Variants in TNIP3 observed in about 807,000 individuals in gnomAD.
The protein encoded by TNIP3 is TNFAIP3-interacting protein 3.
Under a neutral mutation model 54.1 loss-of-function variants are expected in TNIP3, and 34 were observed. That is an observed-to-expected ratio of 0.63 (90% CI 0.48 to 0.84). The LOEUF (loss-of-function observed/expected upper bound fraction) is 0.84, where lower values mean the gene tolerates loss of function less well. TNIP3 is among the 40% of genes least tolerant of loss of function. The pLI is 0.00. For synonymous variants in TNIP3, 134 were observed against 136.8 expected, an observed-to-expected ratio of 0.98 and a Z score of 0.14; for missense variants, 366 against 387.6, an observed-to-expected ratio of 0.94 and a Z score of 0.47.
At chr4:121,150,294 C>T (rs1271735494) in intron 5 of TNIP3, 75 bp from the exon 6 acceptor site, 3 of 879,024 alleles carry the variant, frequency 3.4e-6, no homozygotes, top group African/African-American at 1.7e-5. Flanking sequence ...TTGTTACAAT[C>T]ATCTCAAATG....
chr4:121,206,256 C>T (rs1726183845), intron 2 of TNIP3, among the ~76,000 whole-genome samples: 1 of 152,140 alleles, frequency 6.6e-6, no homozygotes. Flanking sequence ...CTCAAGTAGA[C>T]ATGTTGATTA....
intron 2 of TNIP3, chr4:121,182,804 G>A: frequency 6.5e-7 from 1 of 1,533,936 alleles, no homozygotes; most frequent in South Asian, 1.2e-5. Flanking sequence ...CATCTGCCCA[G>A]AAAGACATGG....
Position 121,188,220 on chromosome 4 carries a change from A to G in TNIP3, c.69-5424T>C, listed in dbSNP as rs1163338021. 3.9e-5 allele frequency among the ~76,000 whole-genome samples: 6 copies of G among 152,232 alleles called. No individual in the cohort carries two copies. In the South Asian group the frequency reaches 8.3e-4, roughly 21 times the overall value. On this transcript the variant is annotated intron_variant, in intron 2 of 12. Coordinates refer to the TNIP3 transcript ENST00000507879. ...TCCTGCCCTTCACTCACAAGAATAA[A>G]TCAACATAGAAATTAAATAGAAATG... is the stretch of plus-strand genomic sequence containing the variant.
upstream of TNIP3, among the ~76,000 whole-genome samples, chr4:121,167,777 T>C (rs951264035): frequency 6.6e-6 from 1 of 152,170 alleles, no homozygotes; most frequent in Non-Finnish European, 1.5e-5. Flanking sequence ...ATATTCAAAA[T>C]ATTTATTTTA....
intron 5 of TNIP3, among the ~76,000 whole-genome samples, chr4:121,150,938 T>C (rs1729712098): frequency 1.3e-5 from 2 of 152,208 alleles, no homozygotes; most frequent in African/African-American, 4.8e-5. Flanking sequence ...GTTGATGCTT[T>C]TAGCATGACA....
At chr4:121,179,947 T>C (rs1253287403) in intron 3 of TNIP3, among the ~76,000 whole-genome samples, 2 of 152,014 alleles carry the variant, frequency 1.3e-5, no homozygotes, top group Non-Finnish European at 2.9e-5. Flanking sequence ...TCTGGAGTCA[T>C]TGTCATATAT....
upstream of TNIP3, among the ~76,000 whole-genome samples, chr4:121,168,908 T>A (rs1465082826): frequency 2.0e-5 from 3 of 152,214 alleles, no homozygotes; most frequent in Non-Finnish European, 4.4e-5. Flanking sequence ...TCAAACCTAG[T>A]TCCACCACTT....
At chr4:121,202,396 C>G (rs924063859) in intron 2 of TNIP3, among the ~76,000 whole-genome samples, 3 of 152,136 alleles carry the variant, frequency 2.0e-5, no homozygotes, top group Non-Finnish European at 2.9e-5. Context: ...CATCTCTCAC[C>G]TTATACAAAA....
At chr4:121,189,822 G>C (rs542561309) in intron 2 of TNIP3, among the ~76,000 whole-genome samples, 1 of 152,254 alleles carries the variant, frequency 6.6e-6, no homozygotes, top group Non-Finnish European at 1.5e-5. Context: ...TATAAACCTG[G>C]GCTCTGTTGT....
At chr4:121,175,699 T>C (rs560188364) in intron 3 of TNIP3, among the ~76,000 whole-genome samples, 2 of 152,366 alleles carry the variant, frequency 1.3e-5, no homozygotes, top group African/African-American at 4.8e-5. Flanking sequence ...AAGTGTGTCT[T>C]ATTTATCAAC....
Position 121,135,697 on chromosome 4 carries a change from C to T in TNIP3, c.946+2927G>A, listed in dbSNP as rs145148910. ...TATAGGCATGAGCCACCACTCCTGG[C>T]CTTAAACTAGTGATTTCTTAATAGT... On this transcript the variant is annotated intron_variant, in intron 10 of 10. Transcript: ENST00000057513. Among the ~76,000 whole-genome samples the T allele has an allele frequency of 2.5e-3, 387 of 152,304 alleles. 3 individuals are homozygous for T. Among genetic ancestry groups the T allele is most frequent in the Middle Eastern group, 0.01 (3 of 294 alleles).
At position 121,145,395 on chromosome 4, in the gene TNIP3, C is replaced by A. The variant is rs558330280; in HGVS notation, c.735+1654G>T. 9.9e-5 allele frequency among the ~76,000 whole-genome samples: 15 copies of A among 152,106 alleles called. No homozygotes were observed. In the South Asian group the frequency reaches 2.5e-3, roughly 25 times the overall value. On this transcript the variant is annotated intron_variant, in intron 7 of 10. Transcript: ENST00000057513. ...TTAAGATTGTCCTTTAGGTTCAAGG[C>A]AGAATTATACCATACTGCATTTAGA...
intron 2 of TNIP3, among the ~76,000 whole-genome samples, chr4:121,205,138 G>A (rs753368851): frequency 6.6e-6 from 1 of 152,188 alleles, no homozygotes; most frequent in African/African-American, 2.4e-5. Flanking sequence ...AGGGTTATGA[G>A]GTGTTAGCTG....
intron 5 of TNIP3, among the ~76,000 whole-genome samples, chr4:121,150,736 C>G (rs1382341861): frequency 6.6e-6 from 1 of 152,182 alleles, no homozygotes; most frequent in African/African-American, 2.4e-5. Flanking sequence ...TACTATATAA[C>G]TATGGCATGC....
At chr4:121,170,072 G>A (rs973180422) in intron 3 of TNIP3, among the ~76,000 whole-genome samples, 1 of 152,188 alleles carries the variant, frequency 6.6e-6, no homozygotes, top group Non-Finnish European at 1.5e-5. Flanking sequence ...CAGTTCCTCT[G>A]TGAAGTCTCC....
intron 2 of TNIP3, among the ~76,000 whole-genome samples, chr4:121,202,318 A>C (rs751172312): frequency 1.3e-5 from 2 of 152,072 alleles, no homozygotes; most frequent in African/African-American, 2.4e-5. Context: ...TGGGGAAAGG[A>C]CTCCCTATTC....
intron 10 of TNIP3, among the ~76,000 whole-genome samples, chr4:121,134,205 A>C (rs1728643160): frequency 1.3e-5 from 2 of 152,176 alleles, no homozygotes; most frequent in African/African-American, 4.8e-5. Flanking sequence ...GCCTTTCTAG[A>C]TACATTAATA....
At chr4:121,198,985 A>G (rs1441662002) in intron 2 of TNIP3, among the ~76,000 whole-genome samples, 2 of 152,234 alleles carry the variant, frequency 1.3e-5, no homozygotes, top group Non-Finnish European at 2.9e-5. Context: ...AAAAGGGTAT[A>G]GATCCTCTTT....
intron 3 of TNIP3, among the ~76,000 whole-genome samples, chr4:121,176,546 T>A (rs1375549592): frequency 1.3e-5 from 2 of 151,886 alleles, no homozygotes; most frequent in Non-Finnish European, 2.9e-5. Flanking sequence ...ATGATGATGA[T>A]GATGATGATA....
Sources: gnomAD v4.1 joint callset for allele counts (sites outside exome capture counted in the v4.1 genomes callset) on GRCh38, gnomAD v4.1.1 for gene constraint, MANE v1.5 for transcripts, NCBI Gene and HGNC (gene_info 2026-07-23, HGNC 2026-07-21) for gene names.